The following CHRM3 variants were observed in gnomAD, a reference collection of about 807,000 sequenced individuals.
CHRM3 encodes the protein cholinergic receptor muscarinic 3.
In CHRM3, 11 loss-of-function variants were observed where a neutral mutation model predicts 41.8. The observed-to-expected ratio is 0.26, with a 90% confidence interval of 0.17 to 0.44. CHRM3 has a LOEUF of 0.44. CHRM3 is among the 20% of genes least tolerant of loss of function. The probability of loss-of-function intolerance (pLI) is 1.00; values close to 1 mark genes in which losing one functional copy is unlikely to be tolerated. For missense variants in CHRM3, 571 were observed against 745.4 expected (o/e 0.77, Z 2.72); for synonymous variants, 297 against 301.4 (o/e 0.99, Z 0.15).
At chr1:239,511,177 T>C (rs1364479414) in intron 2 of CHRM3, among the ~76,000 whole-genome samples, 2 of 152,226 alleles carry the variant, frequency 1.3e-5, no homozygotes, top group Admixed American at 1.3e-4. Flanking sequence ...TCGAATTGAT[T>C]GCATGTCGTC....
At chr1:239,557,603 C>T (rs1660484452) in intron 3 of CHRM3, among the ~76,000 whole-genome samples, 1 of 152,104 alleles carries the variant, frequency 6.6e-6, no homozygotes, top group South Asian at 2.1e-4. Context: ...TCCTGGCATG[C>T]ATTAGCACTT....
intron 5 of CHRM3, among the ~76,000 whole-genome samples, chr1:239,804,160 CT>C (rs932831849): frequency 6.6e-6 from 1 of 152,052 alleles, no homozygotes; most frequent in African/African-American, 2.4e-5. Context: ...TGGAATGTGG[CT>C]TTACAAAATC....
chr1:239,746,942 G>A (rs1178786168), intron 5 of CHRM3, among the ~76,000 whole-genome samples: 2 of 151,904 alleles, frequency 1.3e-5, no homozygotes, highest in African/African-American at 4.8e-5. Context: ...ATTTTTAGTA[G>A]AGACGGGGTT....
chr1:239,459,699 A>G (rs2147871120), intron 1 of CHRM3, among the ~76,000 whole-genome samples: 1 of 152,270 alleles, frequency 6.6e-6, no homozygotes, highest in East Asian at 1.9e-4. Context: ...TTCTTCTCTA[A>G]CCTAGAATTA....
intron 3 of CHRM3, among the ~76,000 whole-genome samples, chr1:239,578,932 A>G (rs972429789): frequency 6.6e-6 from 1 of 152,182 alleles, no homozygotes; most frequent in African/African-American, 2.4e-5. Context: ...AGAAACTTGT[A>G]GCAACCCAAG....
intron 4 of CHRM3, among the ~76,000 whole-genome samples, chr1:239,660,761 G>A (rs1051474893): frequency 3.9e-5 from 6 of 152,140 alleles, no homozygotes; most frequent in South Asian, 2.1e-4. Flanking sequence ...GCGCATGCTT[G>A]TAATTCCACC....
chr1:239,447,725 G>T (rs1251268428), intron 1 of CHRM3, among the ~76,000 whole-genome samples: 1 of 152,136 alleles, frequency 6.6e-6, no homozygotes, highest in Non-Finnish European at 1.5e-5. Context: ...GCGGTGAGCT[G>T]AGATTGCACC....
chr1:239,806,983 G>T (rs1670708405), intron 5 of CHRM3, among the ~76,000 whole-genome samples: 1 of 152,148 alleles, frequency 6.6e-6, no homozygotes, highest in Admixed American at 6.6e-5. Context: ...TATTCTACTT[G>T]TTCCTGGCTC....
At chr1:239,724,199 A>G (rs1349365677) in intron 5 of CHRM3, among the ~76,000 whole-genome samples, 1 of 151,796 alleles carries the variant, frequency 6.6e-6, no homozygotes, top group African/African-American at 2.4e-5. Flanking sequence ...TGGCCCTTAT[A>G]AACCTCCCAG....
rs994464426 is a variant in CHRM3 at position 239,604,496 on chromosome 1, G to A, written c.-312-27728G>A. 4.8e-4 allele frequency among the ~76,000 whole-genome samples: 73 copies of A among 152,276 alleles called. 1 individual carries two copies. The highest frequency in any genetic ancestry group is 1.7e-3 in the African/African-American group (72 of 41,562). On this transcript the variant is annotated intron_variant, in intron 3 of 6. Coordinates refer to ENST00000676153, the MANE Select transcript of CHRM3 (RefSeq NM_001375978.1). Reference sequence around the variant, plus strand: ...GAAAGATTGTCTATAGTATCCCACTGTATGTCTAGCAATATACTTACTTCT... The same window carrying A: ...GAAAGATTGTCTATAGTATCCCACTATATGTCTAGCAATATACTTACTTCT...
At chr1:239,803,223 G>A (rs1424092546) in intron 5 of CHRM3, among the ~76,000 whole-genome samples, 1 of 152,134 alleles carries the variant, frequency 6.6e-6, no homozygotes, top group African/African-American at 2.4e-5. Context: ...AGTAGGGCAA[G>A]ACTCCATTGT....
chr1:239,451,525 G>A (rs1664552942), intron 1 of CHRM3, among the ~76,000 whole-genome samples: 2 of 152,242 alleles, frequency 1.3e-5, no homozygotes, highest in Non-Finnish European at 1.5e-5. Context: ...CCCCACTGGT[G>A]TACCGGGGTA....
chr1:239,712,105 G>A (rs1297967469), intron 5 of CHRM3, among the ~76,000 whole-genome samples: 1 of 152,012 alleles, frequency 6.6e-6, no homozygotes, highest in East Asian at 1.9e-4. Flanking sequence ...AAAAAGAGAA[G>A]GTTATTTTTA....
At chr1:239,795,107 A>G (rs1305124813) in intron 5 of CHRM3, among the ~76,000 whole-genome samples, 17 of 152,154 alleles carry the variant, frequency 1.1e-4, no homozygotes, top group Admixed American at 1.1e-3. Flanking sequence ...TTTACTTTTT[A>G]TGTGAAAAAC....
chr1:239,856,276 A>T (rs1354782681), intron 6 of CHRM3, among the ~76,000 whole-genome samples: 12 of 152,118 alleles, frequency 7.9e-5, no homozygotes. Context: ...TCTCATGTTG[A>T]ATTGTGATCC....
In CHRM3 at chr1:239,807,474, G is replaced by A. The variant is rs551054741; in HGVS notation, c.-146-19778G>A. Among the ~76,000 whole-genome samples, 19 of 152,322 alleles carry A rather than the reference G, an allele frequency of 1.2e-4. No homozygotes were observed. The South Asian group carries it at 3.5e-3, about 28-fold the overall frequency. On this transcript the variant is annotated intron_variant, in intron 5 of 6. Coordinates refer to ENST00000676153, the MANE Select transcript of CHRM3 (RefSeq NM_001375978.1). ...TAAGCCCATAAATAGGAATGCTACA[G>A]GGGGAATGAAAGGAGGGGTTACTTC...
At chr1:239,610,189 T>TAAAAAAA in intron 3 of CHRM3, among the ~76,000 whole-genome samples, 1 of 5,906 alleles carries the variant, frequency 1.7e-4, no homozygotes, top group South Asian at 7.2e-3. Context: ...CAAGACTCTG[T>TAAAAAAA]CAAAAAAAAA....
At chr1:239,615,312 CT>C (rs1667514903) in intron 3 of CHRM3, among the ~76,000 whole-genome samples, 1 of 152,086 alleles carries the variant, frequency 6.6e-6, no homozygotes, top group Non-Finnish European at 1.5e-5. Context: ...ATCCAAGCAG[CT>C]TTTTCTTAGA....
intron 6 of CHRM3, among the ~76,000 whole-genome samples, chr1:239,883,647 G>T (rs537750238): frequency 6.6e-6 from 1 of 152,218 alleles, no homozygotes; most frequent in South Asian, 2.1e-4. Flanking sequence ...TGAGCCTTGG[G>T]GCACAAAAGT....
Sources: gnomAD v4.1 joint callset for allele counts (sites outside exome capture counted in the v4.1 genomes callset) on GRCh38, gnomAD v4.1.1 for gene constraint, MANE v1.5 for transcripts, NCBI Gene and HGNC (gene_info 2026-07-23, HGNC 2026-07-21) for gene names.